Variants in DLG2 observed in about 807,000 individuals in gnomAD.
DLG2 encodes the protein disks large homolog 2.
In DLG2, 45 loss-of-function variants were observed where a neutral mutation model predicts 132.5. The ratio of observed to expected loss-of-function variants is 0.34; its 90% CI spans 0.27 to 0.44. The LOEUF (loss-of-function observed/expected upper bound fraction) is 0.44. Among genes scored for constraint, DLG2 ranks in the 20% least tolerant of loss-of-function variants. DLG2 has a pLI of 1.00. For missense variants in DLG2, 1,045 were observed against 1,196.9 expected (o/e 0.87, Z 1.87); for synonymous variants, 424 against 419.6 (o/e 1.01, Z -0.13).
intron 9 of DLG2, among the ~76,000 whole-genome samples, chr11:84,146,785 C>T (rs1009667793): frequency 6.6e-6 from 1 of 152,080 alleles, no homozygotes; most frequent in African/African-American, 2.4e-5. Context: ...AGGGAAGGCT[C>T]ATGTAGACAT....
intron 3 of DLG2, among the ~76,000 whole-genome samples, chr11:85,330,910 A>G (rs532614380): frequency 6.6e-6 from 1 of 152,116 alleles, no homozygotes; most frequent in Non-Finnish European, 1.5e-5. Context: ...GTTTCCCACA[A>G]TGTGGAAAGT....
rs140902990 is a variant in DLG2 at position 85,513,597 on chromosome 11, T to G, written c.40+85060A>C. ...CTTATCTTTCACTAGTATATCTTCT[T>G]GCCTCCCCATTTAATCACCAGCAAG... On this transcript the variant is annotated intron_variant, in intron 3 of 27. Transcript: ENST00000376104. 4.0e-4 allele frequency among the ~76,000 whole-genome samples: 61 copies of G among 152,086 alleles called. 1 individual carries two copies. In the East Asian group the frequency reaches 0.011, roughly 28 times the overall value.
Position 84,704,048 on chromosome 11 carries a change from A to G in DLG2, c.358-169317T>C, listed in dbSNP as rs143066417. On this transcript the variant is annotated intron_variant, in intron 6 of 27. Coordinates refer to ENST00000376104, the MANE Select transcript of DLG2 (RefSeq NM_001142699.3). ...AGCATATATCATATTAACTGCCTGT[A>G]TATTTAATTTATAATCTCATTTAAT... Among the ~76,000 whole-genome samples, 1,251 of 151,070 alleles carry G rather than the reference A, an allele frequency of 8.3e-3. 9 individuals carry two copies. The highest frequency in any genetic ancestry group is 0.014 in the Non-Finnish European group (936 of 67,468).
At chr11:84,802,421 A>G (rs1202383464) in intron 6 of DLG2, among the ~76,000 whole-genome samples, 1 of 152,120 alleles carries the variant, frequency 6.6e-6, no homozygotes, top group Non-Finnish European at 1.5e-5. Context: ...ATCCCTAAGG[A>G]TTAGGGCAAG....
chr11:84,673,906 G>A (rs1242528366), intron 6 of DLG2, among the ~76,000 whole-genome samples: 2 of 152,078 alleles, frequency 1.3e-5, no homozygotes. Context: ...GCAAACAAAT[G>A]CAAATGCTGG....
At chr11:84,302,573 T>C (rs995449916) in intron 7 of DLG2, among the ~76,000 whole-genome samples, 1 of 152,208 alleles carries the variant, frequency 6.6e-6, no homozygotes. Context: ...CAGAGACAGA[T>C]AAAAGGACTA....
chr11:83,593,700 T>A (rs1279663819), intron 19 of DLG2, among the ~76,000 whole-genome samples: 2 of 149,628 alleles, frequency 1.3e-5, no homozygotes, highest in Admixed American at 1.3e-4. Context: ...TATAGAGAGA[T>A]CATTTCTCTC....
chr11:84,392,995 A>T (rs753954619), intron 7 of DLG2, among the ~76,000 whole-genome samples: 9 of 152,328 alleles, frequency 5.9e-5, no homozygotes, highest in Non-Finnish European at 1.0e-4. Flanking sequence ...GGATGCAAAT[A>T]AAAAGACATT....
intron 7 of DLG2, among the ~76,000 whole-genome samples, chr11:84,304,658 T>C (rs1275493943): frequency 6.6e-6 from 1 of 152,242 alleles, no homozygotes; most frequent in Non-Finnish European, 1.5e-5. Context: ...CATGGCTGTG[T>C]TCTAATAAAA....
chr11:84,585,905 A>C (rs1252542506), intron 6 of DLG2, among the ~76,000 whole-genome samples: 1 of 152,252 alleles, frequency 6.6e-6, no homozygotes, highest in Non-Finnish European at 1.5e-5. Context: ...TAATCCTAAC[A>C]CTTTGGGAGG....
At chr11:84,233,159 ACCT>A (rs1567010387) in intron 8 of DLG2, among the ~76,000 whole-genome samples, 4 of 151,980 alleles carry the variant, frequency 2.6e-5, no homozygotes, top group African/African-American at 9.7e-5. Context: ...GGCAGGAGAG[ACCT>A]CCTCCCTAGC....
Position 84,741,191 on chromosome 11 carries a change from C to G in DLG2, c.358-206460G>C, listed in dbSNP as rs554015352. Reference sequence around the variant, plus strand: ...ACGCCATTCTCCTGCCTCAGCCTCCCGAGTAGCTGGGACTACAGGCGCCCG... The same window carrying G: ...ACGCCATTCTCCTGCCTCAGCCTCCGGAGTAGCTGGGACTACAGGCGCCCG... On this transcript the variant is annotated intron_variant, in intron 6 of 27. Transcript: ENST00000376104. Among the ~76,000 whole-genome samples the G allele has an allele frequency of 4.0e-5, 6 of 151,428 alleles. No homozygotes were observed. The South Asian group carries it at 1.3e-3, about 32-fold the overall frequency.
chr11:85,200,570 C>T (rs2081386765), intron 4 of DLG2, among the ~76,000 whole-genome samples: 1 of 152,188 alleles, frequency 6.6e-6, no homozygotes, highest in Admixed American at 6.5e-5. Context: ...CCCATCTATG[C>T]AGGGACTTGC....
intron 6 of DLG2, among the ~76,000 whole-genome samples, chr11:85,090,351 A>G (rs1349234124): frequency 6.6e-6 from 1 of 152,180 alleles, no homozygotes; most frequent in African/African-American, 2.4e-5. Context: ...GCTATTCTCT[A>G]TAATGATATT....
chr11:84,914,640 G>C (rs1041134215), intron 6 of DLG2, among the ~76,000 whole-genome samples: 1 of 152,154 alleles, frequency 6.6e-6, no homozygotes, highest in African/African-American at 2.4e-5. Flanking sequence ...ATAAGGGTGA[G>C]GAATGCCCAA....
chr11:84,457,119 A>G (rs1349186088), intron 7 of DLG2, among the ~76,000 whole-genome samples: 1 of 151,218 alleles, frequency 6.6e-6, no homozygotes, highest in Non-Finnish European at 1.5e-5. Flanking sequence ...TACAAAAACC[A>G]TATGTGACCT....
intron 10 of DLG2, among the ~76,000 whole-genome samples, chr11:84,087,951 G>A (rs953769491): frequency 2.0e-5 from 3 of 152,146 alleles, no homozygotes; most frequent in Admixed American, 6.5e-5. Flanking sequence ...AAAATAATAC[G>A]AAATGATTGA....
chr11:85,124,942 T>C lies in DLG2; in HGVS notation c.283-13207A>G, dbSNP rs1360288042. ...GCCTCCCAGGTTCACGCCATTCTCC[T>C]GCCTCAGCCTCCCAAGTAGCTGGGA... On this transcript the variant is annotated intron_variant, in intron 5 of 27. Coordinates refer to ENST00000376104, the MANE Select transcript of DLG2 (RefSeq NM_001142699.3). Among the ~76,000 whole-genome samples, 3 of 152,082 alleles carry C rather than the reference T, an allele frequency of 2.0e-5. No homozygotes were observed. The East Asian group carries it at 5.8e-4, about 29-fold the overall frequency.
At chr11:84,829,920 T>C (rs967878062) in intron 6 of DLG2, among the ~76,000 whole-genome samples, 4 of 151,680 alleles carry the variant, frequency 2.6e-5, no homozygotes, top group Admixed American at 2.6e-4. Context: ...TCCTTTAATT[T>C]ACAACATAAG....
Sources: gnomAD v4.1 joint callset for allele counts (sites outside exome capture counted in the v4.1 genomes callset) on GRCh38, gnomAD v4.1.1 for gene constraint, MANE v1.5 for transcripts, NCBI Gene and HGNC (gene_info 2026-07-23, HGNC 2026-07-21) for gene names.